Variants in OR9Q1 observed in about 807,000 individuals in gnomAD.
OR9Q1 encodes the protein olfactory receptor family 9 subfamily Q member 1, also known as olfactory receptor 9Q1.
For synonymous variants in OR9Q1, 153 were observed against 148.6 expected, an observed-to-expected ratio of 1.03 and a Z score of -0.22; for missense variants, 374 against 378.8, an observed-to-expected ratio of 0.99 and a Z score of 0.11.
At chr11:58,065,481 G>A (rs1409715990) in intron 2 of OR9Q1, among the ~76,000 whole-genome samples, 1 of 152,194 alleles carries the variant, frequency 6.6e-6, no homozygotes, top group African/African-American at 2.4e-5. Context: ...TACTTCCTGG[G>A]CATCTTTTTG....
At chr11:58,028,821 G>A (rs2441957) in intron 1 of OR9Q1, among the ~76,000 whole-genome samples, 146,475 of 152,294 alleles carry the variant, frequency 0.96, 70,704 homozygotes, top group East Asian at 1. Flanking sequence ...GAAAACTTTG[G>A]ACTTGTTTAT....
At chr11:58,087,360 A>G (rs997087086) in intron 2 of OR9Q1, among the ~76,000 whole-genome samples, 1 of 151,662 alleles carries the variant, frequency 6.6e-6, no homozygotes, top group South Asian at 2.1e-4. Flanking sequence ...TTTCCTTTAT[A>G]TACCTGGAAT....
chr11:58,132,666 CT>C (rs1183378447), intron 2 of OR9Q1, among the ~76,000 whole-genome samples: 3 of 152,172 alleles, frequency 2.0e-5, no homozygotes, highest in Admixed American at 2.0e-4. Flanking sequence ...TTGATGACAA[CT>C]CCTCAAAGAG....
chr11:58,158,711 G>A (rs1854431300), intron 2 of OR9Q1, among the ~76,000 whole-genome samples: 1 of 152,192 alleles, frequency 6.6e-6, no homozygotes, highest in Non-Finnish European at 1.5e-5. Flanking sequence ...AGATGGGCTA[G>A]TTTGAGACCC....
intron 2 of OR9Q1, among the ~76,000 whole-genome samples, chr11:58,102,212 A>G (rs1853790678): frequency 6.6e-6 from 1 of 151,756 alleles, no homozygotes; most frequent in Admixed American, 6.6e-5. Context: ...GACTTCTGTC[A>G]TTTTGTCAAT....
chr11:58,160,314 A>T (rs1178813061), intron 2 of OR9Q1, among the ~76,000 whole-genome samples: 1 of 152,236 alleles, frequency 6.6e-6, no homozygotes. Context: ...TTGCAATTTT[A>T]AGCCACTAAG....
At chr11:58,173,281 C>T (rs1854572312) in intron 2 of OR9Q1, among the ~76,000 whole-genome samples, 1 of 100,140 alleles carries the variant, frequency 1.0e-5, no homozygotes, top group East Asian at 3.6e-4. Context: ...TGCTATCCCT[C>T]CCCCCTCCCC....
chr11:58,174,646 C>A (rs570797174), intron 2 of OR9Q1, among the ~76,000 whole-genome samples: 2 of 146,982 alleles, frequency 1.4e-5, no homozygotes, highest in African/African-American at 2.5e-5. Context: ...GAATCCTTAT[C>A]TAGTATGTTA....
chr11:58,082,770 T>A (rs112703567), intron 2 of OR9Q1, among the ~76,000 whole-genome samples: 18,007 of 95,880 alleles, frequency 0.19, 1,382 homozygotes, highest in South Asian at 0.36. Context: ...ATAATAATAA[T>A]AAAAAGTTAG....
Position 58,179,803 on chromosome 11 carries a change from A to T in OR9Q1, c.359A>T (p.Tyr120Phe). The change falls in exon 3 of 3, where the codon TAT becomes TTT. Residue 120 changes from tyrosine (Y) to phenylalanine (F), a missense_variant. By Grantham distance (22) the Tyr-to-Phe change is conservative (BLOSUM62 3). Transcript: ENST00000335397. ...IDCYLLALMAYDRYLAVCQPL... is the reference protein window; with the variant it reads ...IDCYLLALMAFDRYLAVCQPL... Reference sequence around the variant, plus strand: ...TGCTACCTCTTGGCCCTCATGGCCTATGACCGCTACTTGGCTGTGTGCCAG... The same window carrying T: ...TGCTACCTCTTGGCCCTCATGGCCTTTGACCGCTACTTGGCTGTGTGCCAG... 6.2e-7 allele frequency: 1 copy of T among 1,614,188 alleles called. No individual in the cohort carries two copies. The highest frequency in any genetic ancestry group is 8.5e-7 in the Non-Finnish European group (1 of 1,180,030).
chr11:58,120,627 G>A (rs1854019887), intron 2 of OR9Q1, among the ~76,000 whole-genome samples: 1 of 151,656 alleles, frequency 6.6e-6, no homozygotes, highest in African/African-American at 2.4e-5. Context: ...AAGAAGTGTA[G>A]ATCAGTACCC....
At chr11:58,152,793 A>G (rs1218508327) in intron 2 of OR9Q1, among the ~76,000 whole-genome samples, 2 of 152,120 alleles carry the variant, frequency 1.3e-5, no homozygotes, top group South Asian at 4.2e-4. Context: ...AAGATAATCA[A>G]ATTATTTACC....
chr11:58,043,603 T>C (rs572906081), intron 1 of OR9Q1, among the ~76,000 whole-genome samples: 55 of 152,328 alleles, frequency 3.6e-4, no homozygotes, highest in African/African-American at 1.2e-3. Context: ...ATTGCTTTCA[T>C]GCCTTTACTA....
chr11:58,158,521 G>T (rs1245589986), intron 2 of OR9Q1, among the ~76,000 whole-genome samples: 2 of 151,194 alleles, frequency 1.3e-5, no homozygotes, highest in African/African-American at 4.9e-5. Flanking sequence ...AAGAGTCCAG[G>T]TCCTTGCTAT....
At chr11:58,096,632 C>T (rs537875439) in intron 2 of OR9Q1, among the ~76,000 whole-genome samples, 2 of 151,546 alleles carry the variant, frequency 1.3e-5, no homozygotes, top group East Asian at 3.9e-4. Flanking sequence ...CTCACCTCAG[C>T]CTCCTGAGTA....
chr11:58,119,334 G>T lies in OR9Q1; in HGVS notation c.-14-60097G>T, dbSNP rs138684909. On this transcript the variant is annotated intron_variant, in intron 2 of 2. Transcript: ENST00000335397. The stretch of plus-strand genomic sequence containing the variant: ...TCATCCCCACATTCCCAAGAAGGGT[G>T]ACTAGGTAGAAACTCAGAAACACCA... 3.1e-3 allele frequency: 5,076 copies of T among 1,613,644 alleles called. 13 individuals carry two copies. The highest frequency in any genetic ancestry group is 3.9e-3 in the Non-Finnish European group (4,565 of 1,179,630).
chr11:58,171,952 T>A (rs1378413960), intron 2 of OR9Q1, among the ~76,000 whole-genome samples: 1 of 152,052 alleles, frequency 6.6e-6, no homozygotes, highest in Non-Finnish European at 1.5e-5. Context: ...TGGGGGAAAA[T>A]ATTGATAAAT....
intron 2 of OR9Q1, among the ~76,000 whole-genome samples, chr11:58,121,934 G>A (rs1369507097): frequency 6.6e-6 from 1 of 152,170 alleles, no homozygotes; most frequent in Non-Finnish European, 1.5e-5. Flanking sequence ...ACAACTGACA[G>A]AGGTTAATGA....
At chr11:58,056,445 A>T (rs1366471705) in intron 2 of OR9Q1, among the ~76,000 whole-genome samples, 1 of 152,180 alleles carries the variant, frequency 6.6e-6, no homozygotes, top group Non-Finnish European at 1.5e-5. Context: ...TTTCTGTGTG[A>T]TGTGTGAATT....
Sources: allele counts gnomAD v4.1 joint callset (sites outside exome capture counted in the v4.1 genomes callset), GRCh38; gene constraint gnomAD v4.1.1; transcripts MANE v1.5; gene names NCBI Gene and HGNC (gene_info 2026-07-23, HGNC 2026-07-21).